The following SKIC3 variants were observed in gnomAD, a reference collection of about 807,000 sequenced individuals.
SKIC3 encodes the protein SKI3 subunit of superkiller complex, also known as superkiller complex protein 3.
At chr5:95,547,249 G>A in the SKIC3 span, 396 of 987,514 alleles carry the variant, frequency 4.0e-4, 2 homozygotes, top group African/African-American at 5.9e-3. Flanking sequence ...CCTGGAAAAG[G>A]AAAAGACTCC....
the SKIC3 span, among the ~76,000 whole-genome samples, chr5:95,473,494 T>C: frequency 2.6e-5 from 4 of 152,208 alleles, no homozygotes; most frequent in African/African-American, 9.7e-5. Context: ...CAGGCTGGTC[T>C]TGAACTCCTA....
the SKIC3 span, chr5:95,554,746 C>G: frequency 1.3e-5 from 2 of 157,628 alleles, no homozygotes; most frequent in Non-Finnish European, 2.8e-5. Context: ...CACAAGGCAC[C>G]GCCCTATTCA....
the SKIC3 span, chr5:95,536,977 T>C: frequency 2.0e-5 from 32 of 1,599,564 alleles, no homozygotes; most frequent in Non-Finnish European, 1.6e-5. Flanking sequence ...GTAAAATGTA[T>C]TTATGAACAC....
chr5:95,520,614 GAGCAATTGCTATATCT>G, the SKIC3 span: 8 of 870,632 alleles, frequency 9.2e-6, no homozygotes, highest in African/African-American at 1.4e-4. Context: ...TTGACATTCT[GAGCAATTGCTATATCT>G]AGCAGAATAC....
chr5:95,516,552 G>T, the SKIC3 span: 2 of 1,613,300 alleles, frequency 1.2e-6, no homozygotes, highest in Non-Finnish European at 1.7e-6. Context: ...TTGATTTGAT[G>T]AAACAGTGCT....
the SKIC3 span, chr5:95,523,369 T>C: frequency 4.0e-5 from 63 of 1,573,708 alleles, no homozygotes; most frequent in Non-Finnish European, 4.2e-5. Context: ...TTGAACATTA[T>C]AAAAAGACAG....
At chr5:95,474,502 G>A in the SKIC3 span, among the ~76,000 whole-genome samples, 1 of 152,154 alleles carries the variant, frequency 6.6e-6, no homozygotes, top group Non-Finnish European at 1.5e-5. Context: ...CTAGCCTGAT[G>A]GGATTCCTCT....
chr5:95,524,486 C>A, the SKIC3 span: 2 of 1,613,334 alleles, frequency 1.2e-6, no homozygotes. Flanking sequence ...GGGTAAGAGC[C>A]TTTGTTTTAT....
the SKIC3 span, among the ~76,000 whole-genome samples, chr5:95,479,764 C>A: frequency 6.6e-6 from 1 of 150,810 alleles, no homozygotes; most frequent in Admixed American, 6.6e-5. Context: ...GGTGTTGGGA[C>A]ATCTCCCCCG....
chr5:95,516,584 T>A, the SKIC3 span: 1 of 1,613,374 alleles, frequency 6.2e-7, no homozygotes, highest in South Asian at 1.1e-5. Flanking sequence ...TAATTTCCAA[T>A]ACCTGAAAAA....
At chr5:95,508,451 T>C in the SKIC3 span, among the ~76,000 whole-genome samples, 5 of 152,214 alleles carry the variant, frequency 3.3e-5, no homozygotes, top group Admixed American at 2.0e-4. Flanking sequence ...TTTCTTATTT[T>C]GTAAACATGC....
At chr5:95,477,592 A>G in the SKIC3 span, among the ~76,000 whole-genome samples, 2 of 152,148 alleles carry the variant, frequency 1.3e-5, no homozygotes, top group South Asian at 2.1e-4. Context: ...CTCCTCTACT[A>G]TCCTTTAAAA....
the SKIC3 span, chr5:95,524,574 T>C: frequency 6.2e-7 from 1 of 1,613,544 alleles, no homozygotes; most frequent in Non-Finnish European, 8.5e-7. Context: ...GGTATCTTTC[T>C]CAAGAGCTCT....
the SKIC3 span, among the ~76,000 whole-genome samples, chr5:95,553,549 A>AG: frequency 3.3e-5 from 5 of 151,890 alleles, no homozygotes; most frequent in African/African-American, 1.2e-4. Context: ...ACTATTGTTT[A>AG]GGGGTTTTTT....
chr5:95,500,683 T>G, the SKIC3 span, among the ~76,000 whole-genome samples: 8 of 152,168 alleles, frequency 5.3e-5, no homozygotes, highest in Non-Finnish European at 8.8e-5. Context: ...GATTTAACAC[T>G]GAGATGCAAT....
chr5:95,476,596 G>T, the SKIC3 span, among the ~76,000 whole-genome samples: 13 of 152,166 alleles, frequency 8.5e-5, 1 homozygote, highest in South Asian at 2.5e-3. Context: ...GTTTACAAAG[G>T]CATGTGTAAA....
the SKIC3 span, among the ~76,000 whole-genome samples, chr5:95,483,078 T>A: frequency 6.6e-6 from 1 of 152,168 alleles, no homozygotes; most frequent in Non-Finnish European, 1.5e-5. Context: ...ACTCTACATG[T>A]CTTTCTTCTA....
the SKIC3 span, among the ~76,000 whole-genome samples, chr5:95,550,403 G>GA: frequency 6.9e-5 from 10 of 145,116 alleles, no homozygotes; most frequent in South Asian, 2.2e-4. Flanking sequence ...TTACAGAAAG[G>GA]AAAAAAAACG....
chr5:95,492,758 A>G, the SKIC3 span, among the ~76,000 whole-genome samples: 1,708 of 143,186 alleles, frequency 0.012, 63 homozygotes, highest in African/African-American at 0.042. Flanking sequence ...CAACTGAAGT[A>G]GACTCAATCT....
Sources: allele counts gnomAD v4.1 joint callset (sites outside exome capture counted in the v4.1 genomes callset), GRCh38; gene constraint gnomAD v4.1.1; transcripts MANE v1.5; gene names NCBI Gene and HGNC (gene_info 2026-07-23, HGNC 2026-07-21).